KLHL32: variants seen among roughly 807,000 people sequenced by gnomAD.
The protein encoded by KLHL32 is kelch-like protein 32.
Under a neutral mutation model 64.8 loss-of-function variants are expected in KLHL32, and 35 were observed. The observed-to-expected ratio is 0.54, with a 90% CI of 0.41 to 0.72. The LOEUF (loss-of-function observed/expected upper bound fraction) is 0.72, where lower values mean the gene tolerates loss of function less well. Among genes scored for constraint, KLHL32 ranks in the 30% least tolerant of loss-of-function variants. The pLI, the probability that KLHL32 is intolerant of heterozygous loss-of-function variation, is 0.00. For missense variants in KLHL32, 589 were observed against 768.5 expected (o/e 0.77, Z 2.76); for synonymous variants, 259 against 281.0 (o/e 0.92, Z 0.78).
chr6:96,956,914 A>G (rs1488175574), intron 1 of KLHL32, among the ~76,000 whole-genome samples: 1 of 152,212 alleles, frequency 6.6e-6, no homozygotes, highest in Non-Finnish European at 1.5e-5. Context: ...ATTAAGGTAT[A>G]TAGTGATTTA....
At chr6:96,991,118 G>A (rs1363194576) in intron 3 of KLHL32, among the ~76,000 whole-genome samples, 3 of 151,962 alleles carry the variant, frequency 2.0e-5, no homozygotes, top group African/African-American at 7.3e-5. Flanking sequence ...TTTTGGTGCT[G>A]GGAGTGCAGG....
chr6:96,909,337 T>C, the KLHL32 span, among the ~76,000 whole-genome samples: 4 of 152,228 alleles, frequency 2.6e-5, no homozygotes, highest in Non-Finnish European at 4.4e-5. Context: ...GAATTTTGCA[T>C]GTGTGTCACG....
chr6:97,055,487 C>G (rs544216021), intron 4 of KLHL32, among the ~76,000 whole-genome samples: 1 of 152,234 alleles, frequency 6.6e-6, no homozygotes, highest in African/African-American at 2.4e-5. Flanking sequence ...CTACTGCATT[C>G]TATTGCTCAC....
intron 7 of KLHL32, among the ~76,000 whole-genome samples, chr6:97,125,164 G>T (rs1798749083): frequency 6.6e-6 from 1 of 152,174 alleles, no homozygotes; most frequent in Non-Finnish European, 1.5e-5. Context: ...TTTAAAAATA[G>T]TCCTCTAGTT....
intron 3 of KLHL32, among the ~76,000 whole-genome samples, chr6:97,033,071 T>C (rs1340252804): frequency 2.0e-5 from 3 of 152,142 alleles, no homozygotes; most frequent in East Asian, 1.9e-4. Context: ...CCACAAAATA[T>C]AAATTTTACT....
At chr6:96,919,997 G>A (rs1044001825), upstream of KLHL32, among the ~76,000 whole-genome samples, 1 of 152,150 alleles carries the variant, frequency 6.6e-6, no homozygotes, top group South Asian at 2.1e-4. Flanking sequence ...GATGTAATGA[G>A]TTTCAAAAGG....
chr6:97,007,972 C>G (rs1224812403), intron 3 of KLHL32, among the ~76,000 whole-genome samples: 1 of 152,186 alleles, frequency 6.6e-6, no homozygotes, highest in Non-Finnish European at 1.5e-5. Flanking sequence ...CACATGCCAG[C>G]GATTGCAGCA....
At chr6:96,919,822 A>C (rs1242971613), upstream of KLHL32, among the ~76,000 whole-genome samples, 3 of 152,222 alleles carry the variant, frequency 2.0e-5, no homozygotes, top group Non-Finnish European at 4.4e-5. Flanking sequence ...CTTACTTAAG[A>C]TATTTCTAGC....
intron 3 of KLHL32, among the ~76,000 whole-genome samples, chr6:97,030,806 A>T (rs1183915187): frequency 6.6e-6 from 1 of 152,190 alleles, no homozygotes; most frequent in African/African-American, 2.4e-5. Flanking sequence ...AACACCTTAC[A>T]TGCAGAACAT....
At chr6:96,900,029 G>A in the KLHL32 span, among the ~76,000 whole-genome samples, 1 of 152,106 alleles carries the variant, frequency 6.6e-6, no homozygotes, top group Non-Finnish European at 1.5e-5. Context: ...TACACAGTAG[G>A]TACTAAACAA....
chr6:97,084,974 T>C (rs2128178810), intron 5 of KLHL32, 152 bp from the exon 6 acceptor site: 1 of 639,872 alleles, frequency 1.6e-6, no homozygotes, highest in Non-Finnish European at 2.7e-6. Flanking sequence ...CAGAACTTTA[T>C]AATTGTGATT....
intron 3 of KLHL32, among the ~76,000 whole-genome samples, chr6:97,008,233 G>A (rs1779915724): frequency 6.6e-6 from 1 of 152,144 alleles, no homozygotes; most frequent in Non-Finnish European, 1.5e-5. Context: ...GTTTCAGCCG[G>A]TTCCAGTGCA....
the KLHL32 span, among the ~76,000 whole-genome samples, chr6:96,909,535 C>G: frequency 1.1e-4 from 16 of 152,180 alleles, no homozygotes; most frequent in African/African-American, 3.9e-4. Context: ...CAAAGGCAGT[C>G]AAAGCACTCC....
chr6:97,004,991 C>T (rs1368181648), intron 3 of KLHL32, among the ~76,000 whole-genome samples: 2 of 151,680 alleles, frequency 1.3e-5, no homozygotes, highest in Non-Finnish European at 2.9e-5. Context: ...TGATGCTGCT[C>T]TCATAGAATG....
chr6:96,988,545 G>A (rs1777413839), intron 3 of KLHL32, among the ~76,000 whole-genome samples: 1 of 152,136 alleles, frequency 6.6e-6, no homozygotes, highest in South Asian at 2.1e-4. Flanking sequence ...AGTCAGTGTG[G>A]CGATTCCTCA....
intron 1 of KLHL32, among the ~76,000 whole-genome samples, chr6:96,957,673 T>C (rs945082214): frequency 1.3e-5 from 2 of 152,100 alleles, no homozygotes; most frequent in Admixed American, 1.3e-4. Context: ...TTTCTATTCA[T>C]AGAGGAGTGA....
At chr6:96,938,940 G>A (rs1770944007) in intron 1 of KLHL32, among the ~76,000 whole-genome samples, 1 of 152,110 alleles carries the variant, frequency 6.6e-6, no homozygotes, top group Admixed American at 6.5e-5. Flanking sequence ...GGAAGCTAAT[G>A]GCTGCTCCCC....
chr6:96,987,001 G>A (rs1253988024), intron 3 of KLHL32, among the ~76,000 whole-genome samples: 1 of 152,164 alleles, frequency 6.6e-6, no homozygotes, highest in Admixed American at 6.5e-5. Context: ...TTCCTATGCG[G>A]CCATCTTGGC....
At position 97,085,309 on chromosome 6, in the gene KLHL32, C is replaced by T; in HGVS notation, c.595C>T (p.Leu199=). 1 of 1,612,942 alleles carries T rather than the reference C, an allele frequency of 6.2e-7. No individual in the cohort carries two copies. The highest frequency in any genetic ancestry group is 8.5e-7 in the Non-Finnish European group (1 of 1,180,014). ...LLQEVLKSDR[L]TSLSEEQIWQ... is the part of the protein sequence containing the mutation. ...TCAGGAGGTGCTGAAGAGCGACCGCCTGACCTCCCTGAGTGAAGAGCAGAT... is the reference window on the plus strand; with the variant it reads ...TCAGGAGGTGCTGAAGAGCGACCGCTTGACCTCCCTGAGTGAAGAGCAGAT... Residue 199 remains leucine (L), a synonymous_variant, in exon 6 of 11, where the codon CTG becomes TTG. Transcript: ENST00000369261.
Sources: gnomAD v4.1 joint callset for allele counts (sites outside exome capture counted in the v4.1 genomes callset) on GRCh38, gnomAD v4.1.1 for gene constraint, MANE v1.5 for transcripts, NCBI Gene and HGNC (gene_info 2026-07-23, HGNC 2026-07-21) for gene names.